CSMD1: variants seen among roughly 807,000 people sequenced by gnomAD.
CSMD1 encodes CUB and sushi domain-containing protein 1.
Under a neutral mutation model 417.5 loss-of-function variants are expected in CSMD1, and 213 were observed. The ratio of observed to expected loss-of-function variants is 0.51; its 90% CI spans 0.46 to 0.57. The LOEUF is 0.57. CSMD1 is among the 20% of genes least tolerant of loss of function. The pLI, the probability that CSMD1 is intolerant of heterozygous loss-of-function variation, is 0.00. For synonymous variants in CSMD1, 2,862 were observed against 1,736.8 expected (o/e 1.65, Z -16.11); for missense variants, 6,923 against 4,529.7 (o/e 1.53, Z -15.17).
chr8:3,075,282 T>TC (rs1465492347), intron 49 of CSMD1, among the ~76,000 whole-genome samples: 1 of 147,644 alleles, frequency 6.8e-6, no homozygotes, highest in East Asian at 2.0e-4. Context: ...CTTTCTTTCT[T>TC]TTTTTTTTTT....
intron 10 of CSMD1, among the ~76,000 whole-genome samples, chr8:3,543,598 G>A (rs572734806): frequency 3.7e-4 from 55 of 150,558 alleles, no homozygotes; most frequent in Non-Finnish European, 7.2e-4. Context: ...AACAAAAGAA[G>A]GATTAAATAT....
intron 1 of CSMD1, among the ~76,000 whole-genome samples, chr8:4,653,096 G>T (rs1464312334): frequency 6.6e-6 from 1 of 152,060 alleles, no homozygotes; most frequent in East Asian, 1.9e-4. Flanking sequence ...ATGAGAGACA[G>T]AGCTCCTTGT....
chr8:4,052,451 T>C (rs908300720), intron 3 of CSMD1, among the ~76,000 whole-genome samples: 1 of 152,292 alleles, frequency 6.6e-6, no homozygotes, highest in South Asian at 2.1e-4. Context: ...AGGGGTGATT[T>C]TGCCCACTGC....
chr8:3,141,353 T>C (rs960502191), intron 41 of CSMD1, among the ~76,000 whole-genome samples: 3 of 152,204 alleles, frequency 2.0e-5, no homozygotes, highest in Admixed American at 6.5e-5. Flanking sequence ...CCTTGTTCAT[T>C]CCTGGACATA....
At chr8:3,766,059 T>C (rs1798252246) in intron 5 of CSMD1, among the ~76,000 whole-genome samples, 1 of 152,152 alleles carries the variant, frequency 6.6e-6, no homozygotes, top group Non-Finnish European at 1.5e-5. Context: ...TGCCAGGGAA[T>C]TGCTCAGAAC....
At chr8:4,791,414 T>C (rs1797680880) in intron 1 of CSMD1, among the ~76,000 whole-genome samples, 1 of 152,216 alleles carries the variant, frequency 6.6e-6, no homozygotes, top group African/African-American at 2.4e-5. Flanking sequence ...GTTTATGTGT[T>C]GTGGGTGGGA....
rs1470619658 is a variant in CSMD1, at chr8:3,107,788, G to C, written c.6765C>G (p.Leu2255=). 6 of 1,576,580 alleles carry C rather than the reference G, an allele frequency of 3.8e-6. No homozygotes were observed. The highest frequency in any genetic ancestry group is 5.2e-6 in the Non-Finnish European group (6 of 1,164,692). The stretch of plus-strand genomic sequence containing the variant: ...CCGCTGGGGGAGGTTGACATTTCTT[G>C]AGCTGAAATGCTAAATGATTAATGG... ...FFVLNFHAFQ[L]KKCQPPPAVP... is the part of the protein sequence containing the mutation. Residue 2255 remains leucine (L), a synonymous_variant, in exon 45 of 70, where the codon CTC becomes CTG. Coordinates refer to ENST00000635120, the MANE Select transcript of CSMD1 (RefSeq NM_033225.6).
intron 5 of CSMD1, among the ~76,000 whole-genome samples, chr8:3,770,874 T>G (rs1704207208): frequency 1.3e-5 from 2 of 152,210 alleles, no homozygotes; most frequent in South Asian, 4.1e-4. Flanking sequence ...AGCTCATATT[T>G]TTTAGTCTCA....
intron 1 of CSMD1, among the ~76,000 whole-genome samples, chr8:4,781,504 A>G (rs1797150937): frequency 6.6e-6 from 1 of 152,240 alleles, no homozygotes; most frequent in Admixed American, 6.5e-5. Flanking sequence ...TTTTAGAAAG[A>G]GATCACATAC....
intron 3 of CSMD1, among the ~76,000 whole-genome samples, chr8:4,143,705 T>A (rs1803937620): frequency 6.6e-6 from 1 of 150,936 alleles, no homozygotes; most frequent in Admixed American, 6.6e-5. Context: ...ATACACAAAG[T>A]AACAAAGGAA....
chr8:3,632,699 C>T (rs1003151936), intron 7 of CSMD1, among the ~76,000 whole-genome samples: 9 of 152,168 alleles, frequency 5.9e-5, no homozygotes, highest in Admixed American at 4.6e-4. Flanking sequence ...ACTATTTAGG[C>T]ACAGGAATGA....
At chr8:4,163,470 C>T (rs1378793122) in intron 3 of CSMD1, among the ~76,000 whole-genome samples, 3 of 152,080 alleles carry the variant, frequency 2.0e-5, no homozygotes, top group Admixed American at 2.0e-4. Context: ...GTGTGAGTTA[C>T]TTTTATTTAG....
intron 5 of CSMD1, among the ~76,000 whole-genome samples, chr8:3,811,765 G>C (rs970205030): frequency 6.6e-6 from 1 of 152,118 alleles, no homozygotes; most frequent in Non-Finnish European, 1.5e-5. Context: ...ATGGACAATA[G>C]CTGAGTGAGA....
chr8:3,151,629 G>A (rs984734112), intron 39 of CSMD1, 116 bp from the exon 40 acceptor site: 3 of 657,842 alleles, frequency 4.6e-6, no homozygotes, highest in Non-Finnish European at 8.1e-6. Flanking sequence ...AGTTAATTCT[G>A]CCCCTAATTA....
chr8:3,855,311 A>C (rs937516093), intron 5 of CSMD1, among the ~76,000 whole-genome samples: 1 of 152,204 alleles, frequency 6.6e-6, no homozygotes, highest in Non-Finnish European at 1.5e-5. Flanking sequence ...GGCATTAAAA[A>C]TTATCTATAT....
chr8:3,406,182 A>T lies in CSMD1; in HGVS notation c.2111T>A (p.Ile704Lys). The T allele has an allele frequency of 6.2e-7, 1 of 1,612,230 alleles. No homozygotes were observed. The highest frequency in any genetic ancestry group is 1.1e-5 in the South Asian group (1 of 90,782). ...QNECHDPGIP[I>K]NGRRFGDRFL... ...CCTGTCACCAAAACGTCGTCCGTTT[A>T]TAGGAATGCCAGGATCATGGCACTC... Residue 704 changes from isoleucine (I) to lysine (K), a missense_variant, in exon 15 of 70, where the codon ATA (isoleucine) becomes AAA (lysine). By Grantham distance (102) the Ile-to-Lys change is moderately radical. Coordinates refer to ENST00000635120, the MANE Select transcript of CSMD1 (RefSeq NM_033225.6).
At chr8:4,125,459 A>C (rs1005516304) in intron 3 of CSMD1, among the ~76,000 whole-genome samples, 1 of 152,174 alleles carries the variant, frequency 6.6e-6, no homozygotes, top group African/African-American at 2.4e-5. Flanking sequence ...TGTCTCCCTA[A>C]AATGAATAAA....
At chr8:4,706,441 G>C (rs1471335652) in intron 1 of CSMD1, among the ~76,000 whole-genome samples, 1 of 152,144 alleles carries the variant, frequency 6.6e-6, no homozygotes, top group Admixed American at 6.5e-5. Context: ...TATGACCAAT[G>C]AGCTCAGTAA....
chr8:3,729,753 C>T (rs1802714113), intron 6 of CSMD1, among the ~76,000 whole-genome samples: 1 of 151,882 alleles, frequency 6.6e-6, no homozygotes. Flanking sequence ...AAGCTCTCAC[C>T]ACAAAGACAT....
Sources: allele counts gnomAD v4.1 joint callset (sites outside exome capture counted in the v4.1 genomes callset), GRCh38; gene constraint gnomAD v4.1.1; transcripts MANE v1.5; gene names NCBI Gene and HGNC (gene_info 2026-07-23, HGNC 2026-07-21).